SERAC1: variants seen among roughly 807,000 people sequenced by gnomAD.
SERAC1 encodes the protein protein SERAC1.
Under a neutral mutation model 85.7 loss-of-function variants are expected in SERAC1, and 36 were observed. The observed-to-expected ratio is 0.42, with a 90% CI of 0.32 to 0.55. The LOEUF (loss-of-function observed/expected upper bound fraction) is 0.55, where lower values mean the gene tolerates loss of function less well. Ranked by LOEUF, SERAC1 falls within the 20% of genes least tolerant of loss-of-function variation. SERAC1 has a pLI of 0.11. For synonymous variants in SERAC1, 242 were observed against 265.3 expected, an observed-to-expected ratio of 0.91 and a Z score of 0.85; for missense variants, 629 against 796.2, an observed-to-expected ratio of 0.79 and a Z score of 2.53.
rs1784129110 is a variant in SERAC1 at position 158,110,953 on chromosome 6, TCTC to T, written c.*410_*412del. The T allele has an allele frequency of 6.5e-6, 1 of 153,610 alleles. No individual in the cohort carries two copies. The highest frequency in any genetic ancestry group is 2.4e-5 in the African/African-American group (1 of 41,484). The allele number at this position is 153,610 out of a possible 1,614,324, so 9.5% of individuals were successfully genotyped here. A position where few individuals can be genotyped will look rare whatever the true frequency, so the allele number is the denominator to read the frequency against. ...AGTCTTGAATGTTCTAGTTCATTCT[TCTC>T]TCCATTTTAGGTACTCTCTTAATGG... On this transcript the variant is annotated 3_prime_UTR_variant, in exon 17 of 17. Transcript: ENST00000647468.
rs1216831729 is a variant in SERAC1 at position 158,115,034 on chromosome 6, AAAAAG to A, written c.1502-68_1502-64del. ...ATTTTCCTTCCCTTTATTACTGTAA[AAAAAG>A]AAAAGGCCAAACAAGAAATACATAA... On this transcript the variant is annotated intron_variant, in intron 14 of 16. Transcript: ENST00000647468. 8 of 1,513,460 alleles carry A rather than the reference AAAAAG, an allele frequency of 5.3e-6. No homozygotes were observed. In the African/African-American group the frequency reaches 5.6e-5, roughly 11 times the overall value. 93.8% of individuals were successfully genotyped at this position (1,513,460 alleles called of 1,614,324 possible).
intron 3 of SERAC1, among the ~76,000 whole-genome samples, chr6:158,154,290 A>T (rs563863473): frequency 2.6e-4 from 39 of 152,166 alleles, no homozygotes; most frequent in Non-Finnish European, 5.1e-4. Context: ...ACTATAATAA[A>T]AAACTGTAAT....
chr6:158,130,508 T>G, intron 8 of SERAC1, 22 bp from the exon 9 acceptor site: 1 of 1,423,424 alleles, frequency 7.0e-7, no homozygotes, highest in Non-Finnish European at 9.6e-7. Flanking sequence ...ATAATTAAAA[T>G]TTTTACTGAA....
intron 1 of SERAC1, among the ~76,000 whole-genome samples, chr6:158,160,363 G>A (rs934303813): frequency 3.3e-5 from 5 of 152,140 alleles, no homozygotes; most frequent in Non-Finnish European, 5.9e-5. Flanking sequence ...CCCAATCTGT[G>A]GCAAACAAAT....
At chr6:158,146,583 G>C (rs1032338928) in intron 6 of SERAC1, 199 bp downstream of exon 6, 1 of 433,444 alleles carries the variant, frequency 2.3e-6, no homozygotes, top group African/African-American at 2.1e-5. Flanking sequence ...TAATTTTTTT[G>C]TATTTTTAGT....
chr6:158,165,059 A>G (rs902808404), intron 1 of SERAC1, among the ~76,000 whole-genome samples: 1 of 152,204 alleles, frequency 6.6e-6, no homozygotes, highest in Non-Finnish European at 1.5e-5. Context: ...CCATAAAAGC[A>G]TGGCTGCCTA....
chr6:158,123,063 G>A (rs1004430086), intron 10 of SERAC1, among the ~76,000 whole-genome samples: 1 of 152,116 alleles, frequency 6.6e-6, no homozygotes, highest in Non-Finnish European at 1.5e-5. Context: ...AAGAGGGAAA[G>A]ACACAGGATG....
chr6:158,161,446 G>T (rs1329792064), intron 1 of SERAC1: 1 of 151,704 alleles, frequency 6.6e-6, no homozygotes, highest in Non-Finnish European at 1.5e-5. Flanking sequence ...TAGAATAACA[G>T]TAGGTTTCCT....
At position 158,117,613 on chromosome 6, in the gene SERAC1, T is replaced by C. The variant is rs1321766071; in HGVS notation, c.1403+114A>G. 1.9e-6 allele frequency: 3 copies of C among 1,572,076 alleles called. No individual in the cohort carries two copies. Among genetic ancestry groups the C allele is most frequent in the Non-Finnish European group, 2.6e-6 (3 of 1,156,598 alleles). On this transcript the variant is annotated intron_variant, in intron 13 of 16. Coordinates refer to ENST00000647468, the MANE Select transcript of SERAC1 (RefSeq NM_032861.4). The surrounding 1 kb of genome is among the most constrained non-coding windows in gnomAD (Gnocchi z 4.3). ...CAAAAAAGATTAGGTTTGTTCTTCA[T>C]AAGAAAATCCTGTCTGTGGCATCAA...
rs185507293 is a variant in SERAC1 at position 158,120,945 on chromosome 6, T to A, written c.1016-370A>T. ...ACAAGAATTATGAAACTCAGTGGGTTAATACTAGTTATTTCATCCTGACCA... is the reference window on the plus strand; with the variant it reads ...ACAAGAATTATGAAACTCAGTGGGTAAATACTAGTTATTTCATCCTGACCA... On this transcript the variant is annotated intron_variant, in intron 10 of 16. Transcript: ENST00000647468. The surrounding 1 kb of genome is among the most constrained non-coding windows in gnomAD (Gnocchi z 4.4). Among the ~76,000 whole-genome samples, 69 of 152,322 alleles carry A rather than the reference T, an allele frequency of 4.5e-4. No individual in the cohort carries two copies. Among genetic ancestry groups the A allele is most frequent in the African/African-American group, 1.6e-3 (68 of 41,576 alleles).
intron 14 of SERAC1, among the ~76,000 whole-genome samples, chr6:158,115,718 T>C (rs1033046967): frequency 5.3e-5 from 8 of 152,080 alleles, no homozygotes; most frequent in African/African-American, 1.9e-4. Flanking sequence ...AGACACTTGA[T>C]CACACCTGTA....
intron 7 of SERAC1, among the ~76,000 whole-genome samples, 163 bp from the exon 8 acceptor site, chr6:158,143,347 CTATATA>C (rs753604114): frequency 0.027 from 1,239 of 46,232 alleles, 9 homozygotes; most frequent in Middle Eastern, 0.076. Flanking sequence ...CTCTCTCTCT[CTATATA>C]TATATATATA....
intron 10 of SERAC1, among the ~76,000 whole-genome samples, chr6:158,123,835 T>C (rs1305626441): frequency 6.6e-6 from 1 of 151,938 alleles, no homozygotes; most frequent in East Asian, 1.9e-4. Context: ...GAGTGATGGA[T>C]TGGGAGAGGA....
At position 158,114,875 on chromosome 6, in the gene SERAC1, G is replaced by A; in HGVS notation, c.1598C>T (p.Pro533Leu). The A allele has an allele frequency of 1.2e-6, 2 of 1,613,944 alleles. No homozygotes were observed. The highest frequency in any genetic ancestry group is 1.3e-5 in the African/African-American group (1 of 74,988). Residue 533 changes from proline (P) to leucine (L), a missense_variant, in exon 15 of 17, where the codon CCT becomes CTT. Coordinates refer to ENST00000647468, the MANE Select transcript of SERAC1 (RefSeq NM_032861.4). ...TTCAGCCAAACGTGATCCATGATGA[G>A]GGACACTATAAAAAATTATTCCTCT... ...NTRGIIFYSVPHHGSRLAEYS... is the reference protein window; with the variant it reads ...NTRGIIFYSVLHHGSRLAEYS...
chr6:158,136,160 T>G (rs950327026), intron 8 of SERAC1, among the ~76,000 whole-genome samples: 1 of 152,238 alleles, frequency 6.6e-6, no homozygotes, highest in African/African-American at 2.4e-5. Flanking sequence ...TTATTTAAAT[T>G]TGAAATTATT....
intron 3 of SERAC1, among the ~76,000 whole-genome samples, chr6:158,154,724 G>A (rs528622310): frequency 2.6e-4 from 39 of 152,264 alleles, no homozygotes; most frequent in African/African-American, 8.2e-4. Context: ...CCTTTCATGC[G>A]AGCTTTATGG....
rs532248218 is a variant in SERAC1 at position 158,146,662 on chromosome 6, G to T, written c.487+120C>A. ...CCTGACCTTGTGATCCAACCAGCGT[G>T]GCCTCCCAAAGTGCTGGGATTACAG... On this transcript the variant is annotated intron_variant, in intron 6 of 16. Coordinates refer to ENST00000647468, the MANE Select transcript of SERAC1 (RefSeq NM_032861.4). 358 of 1,218,178 alleles carry T rather than the reference G, an allele frequency of 2.9e-4. 2 individuals carry two copies. The East Asian group carries it at 8.3e-3, about 28-fold the overall frequency. 75.5% of individuals were successfully genotyped at this position (1,218,178 alleles called of 1,614,324 possible).
intron 6 of SERAC1, among the ~76,000 whole-genome samples, chr6:158,144,919 A>G (rs1785016943): frequency 6.6e-6 from 1 of 152,204 alleles, no homozygotes; most frequent in Non-Finnish European, 1.5e-5. Flanking sequence ...CAACCATGAA[A>G]GCAAACATTA....
chr6:158,115,486 G>GGAT (rs1784265118), intron 14 of SERAC1, among the ~76,000 whole-genome samples: 1 of 152,306 alleles, frequency 6.6e-6, no homozygotes, highest in South Asian at 2.1e-4. Flanking sequence ...AAGATCTAAA[G>GGAT]GATGATGACA....
Sources: allele counts gnomAD v4.1 joint callset (sites outside exome capture counted in the v4.1 genomes callset), GRCh38; gene constraint gnomAD v4.1.1; non-coding constraint Gnocchi (gnomAD v3.1); transcripts MANE v1.5; gene names NCBI Gene and HGNC (gene_info 2026-07-23, HGNC 2026-07-21).